Variants in COL22A1 observed in about 807,000 individuals in gnomAD.
COL22A1 encodes the protein collagen type XXII alpha 1 chain.
A neutral mutation model predicts 248.9 loss-of-function variants in COL22A1; 221 were observed. The ratio of observed to expected loss-of-function variants is 0.89; its 90% CI spans 0.80 to 0.99. The LOEUF (loss-of-function observed/expected upper bound fraction) is 0.99, where lower values mean the gene tolerates loss of function less well. Ranked by LOEUF, COL22A1 falls within the 50% of genes least tolerant of loss-of-function variation. The pLI, the probability that COL22A1 is intolerant of heterozygous loss-of-function variation, is 0.00. For synonymous variants in COL22A1, 891 were observed against 793.4 expected (o/e 1.12, Z -2.07); for missense variants, 2,240 against 2,179.0 (o/e 1.03, Z -0.56).
At chr8:138,904,823 T>C (rs1814893246) in intron 1 of COL22A1, among the ~76,000 whole-genome samples, 1 of 152,176 alleles carries the variant, frequency 6.6e-6, no homozygotes, top group Non-Finnish European at 1.5e-5. Flanking sequence ...CTCCCCTTTT[T>C]CTGGGAGAGA....
intron 53 of COL22A1, among the ~76,000 whole-genome samples, chr8:138,618,322 T>C (rs1025934823): frequency 6.6e-6 from 1 of 152,230 alleles, no homozygotes; most frequent in Admixed American, 6.5e-5. Flanking sequence ...ACTTATTCTA[T>C]GTCAGCCAGA....
chr8:138,692,165 G>T (rs1471705347), intron 35 of COL22A1, among the ~76,000 whole-genome samples: 23 of 141,600 alleles, frequency 1.6e-4, no homozygotes, highest in South Asian at 2.3e-4. Flanking sequence ...TGTATGTGTG[G>T]AGGTGTGTGT....
At chr8:138,608,786 C>T (rs1818619068) in intron 56 of COL22A1, among the ~76,000 whole-genome samples, 1 of 152,156 alleles carries the variant, frequency 6.6e-6, no homozygotes, top group African/African-American at 2.4e-5. Context: ...CTGCCCACCA[C>T]ACTCCCCCAC....
At chr8:138,842,622 C>T (rs139195763) in intron 4 of COL22A1, among the ~76,000 whole-genome samples, 8 of 152,306 alleles carry the variant, frequency 5.3e-5, no homozygotes, top group African/African-American at 1.2e-4. Flanking sequence ...AAGGTTTACA[C>T]CTTGGCAAAG....
At chr8:138,667,821 G>C (rs1467568701) in intron 41 of COL22A1, among the ~76,000 whole-genome samples, 4 of 152,080 alleles carry the variant, frequency 2.6e-5, no homozygotes, top group Admixed American at 2.6e-4. Flanking sequence ...GGCTCCACCA[G>C]ACATCATGTG....
intron 45 of COL22A1, among the ~76,000 whole-genome samples, chr8:138,651,991 A>C (rs1822779538): frequency 6.6e-6 from 1 of 152,216 alleles, no homozygotes; most frequent in African/African-American, 2.4e-5. Context: ...GAGCTGTCGG[A>C]GACCCAGACC....
Position 138,811,910 on chromosome 8 carries a change from G to T in COL22A1, c.1338C>A (p.Thr446=). 1 of 1,553,600 alleles carries T rather than the reference G, an allele frequency of 6.4e-7. No individual in the cohort carries two copies. Among genetic ancestry groups the T allele is most frequent in the East Asian group, 2.4e-5 (1 of 41,522 alleles). ...CDIPSGPCQV[T]VVTEPPPPPP... is the part of the protein sequence containing the mutation. ...GTGGAGGTGGAGGCTCTGTCACCAC[G>T]GTCACCTGGCACTGGAAGGAAAGCC... The change falls in exon 9 of 65, where the codon ACC becomes ACA. Residue 446 remains threonine, a synonymous_variant. Transcript: ENST00000303045.
At chr8:138,601,756 C>T (rs965618741) in intron 60 of COL22A1, among the ~76,000 whole-genome samples, 1 of 152,094 alleles carries the variant, frequency 6.6e-6, no homozygotes, top group Non-Finnish European at 1.5e-5. Flanking sequence ...ATTGGCACTT[C>T]GGGAGCCGAG....
chr8:138,617,451 C>T (rs946330174), intron 53 of COL22A1, among the ~76,000 whole-genome samples: 2 of 152,088 alleles, frequency 1.3e-5, no homozygotes, highest in African/African-American at 4.8e-5. Flanking sequence ...AGCTACATCC[C>T]GGGCCATAGT....
intron 45 of COL22A1, among the ~76,000 whole-genome samples, chr8:138,651,304 T>C (rs1822713640): frequency 6.6e-6 from 1 of 152,158 alleles, no homozygotes; most frequent in Non-Finnish European, 1.5e-5. Context: ...AAACAGAAGG[T>C]GTAAGCACTC....
intron 6 of COL22A1, 66 bp downstream of exon 6, chr8:138,826,592 G>T (rs73366853): frequency 1.9e-6 from 3 of 1,542,276 alleles, no homozygotes; most frequent in Admixed American, 3.3e-5. Flanking sequence ...GGTGGGTGGT[G>T]CCATCCACTG....
At chr8:138,820,526 G>C (rs1819027230) in intron 7 of COL22A1, among the ~76,000 whole-genome samples, 1 of 152,164 alleles carries the variant, frequency 6.6e-6, no homozygotes, top group African/African-American at 2.4e-5. Context: ...AAAAATAAAA[G>C]AAGGAAAGAA....
At chr8:138,895,361 A>G (rs1825330702) in intron 1 of COL22A1, among the ~76,000 whole-genome samples, 1 of 152,218 alleles carries the variant, frequency 6.6e-6, no homozygotes, top group African/African-American at 2.4e-5. Context: ...TTTGTCACAA[A>G]TATTTTTAAA....
At chr8:138,900,846 A>C (rs1427839107) in intron 1 of COL22A1, among the ~76,000 whole-genome samples, 1 of 152,248 alleles carries the variant, frequency 6.6e-6, no homozygotes, top group Non-Finnish European at 1.5e-5. Context: ...GGGAGAAAGT[A>C]AACAAAGTAA....
intron 32 of COL22A1, among the ~76,000 whole-genome samples, chr8:138,695,372 C>G (rs1288646393): frequency 6.6e-6 from 1 of 152,084 alleles, no homozygotes; most frequent in East Asian, 1.9e-4. Context: ...CTCTCTCTTT[C>G]TAGTAGAGAT....
At chr8:138,779,856 A>G (rs905172927) in intron 13 of COL22A1, among the ~76,000 whole-genome samples, 5 of 152,132 alleles carry the variant, frequency 3.3e-5, no homozygotes, top group Non-Finnish European at 5.9e-5. Context: ...ACTTCAAAAT[A>G]CTTGGCTCAA....
At chr8:138,671,199 G>A (rs2130769786) in intron 41 of COL22A1, among the ~76,000 whole-genome samples, 1 of 152,152 alleles carries the variant, frequency 6.6e-6, no homozygotes, top group African/African-American at 2.4e-5. Context: ...AAAAAGTAAG[G>A]TATGTCATGA....
chr8:138,691,312 G>T (rs11166836), intron 35 of COL22A1, among the ~76,000 whole-genome samples: 74,544 of 150,338 alleles, frequency 0.5, 18,836 homozygotes, highest in African/African-American at 0.62. Flanking sequence ...CGTGTGTGCA[G>T]GTTTGTGGAA....
intron 1 of COL22A1, among the ~76,000 whole-genome samples, chr8:138,892,676 C>T (rs549540998): frequency 2.6e-5 from 4 of 152,366 alleles, no homozygotes; most frequent in South Asian, 2.1e-4. Flanking sequence ...AGCTGAGTTC[C>T]TTCCACAAGC....
Sources: allele counts gnomAD v4.1 joint callset (sites outside exome capture counted in the v4.1 genomes callset), GRCh38; gene constraint gnomAD v4.1.1; transcripts MANE v1.5; gene names NCBI Gene and HGNC (gene_info 2026-07-23, HGNC 2026-07-21).